NAA11: variants seen among roughly 807,000 people sequenced by gnomAD.
The protein encoded by NAA11 is N-alpha-acetyltransferase 11.
A neutral mutation model predicts 16.1 loss-of-function variants in NAA11; 15 were observed. The observed-to-expected ratio is 0.93, with a 90% CI of 0.62 to 1.44. NAA11 has a LOEUF of 1.44. NAA11 is among the 40% of genes most tolerant of loss of function. The pLI, the probability that NAA11 is intolerant of heterozygous loss-of-function variation, is 0.00. For missense variants in NAA11, 298 were observed against 291.3 expected (o/e 1.02, Z -0.17); for synonymous variants, 122 against 112.4 (o/e 1.09, Z -0.54).
intron 1 of NAA11, among the ~76,000 whole-genome samples, chr4:79,297,522 G>T (rs1319730395): frequency 2.0e-5 from 3 of 152,242 alleles, no homozygotes; most frequent in Non-Finnish European, 2.9e-5. Flanking sequence ...AGGCTGGGCA[G>T]TGTCTGCTCC....
intron 2 of NAA11, among the ~76,000 whole-genome samples, chr4:79,236,313 T>C (rs1188432877): frequency 6.6e-6 from 1 of 152,076 alleles, no homozygotes; most frequent in African/African-American, 2.4e-5. Flanking sequence ...TTTTTAAGTG[T>C]CAGAAAAATT....
the NAA11 span, among the ~76,000 whole-genome samples, chr4:79,172,340 T>TA: frequency 7.9e-5 from 12 of 152,116 alleles, no homozygotes; most frequent in Admixed American, 6.6e-4. Context: ...ATATATTTTT[T>TA]AAAAAAATTA....
intron 2 of NAA11, among the ~76,000 whole-genome samples, chr4:79,247,063 GAAGT>G (rs1237541170): frequency 2.0e-5 from 3 of 152,206 alleles, no homozygotes; most frequent in African/African-American, 7.2e-5. Flanking sequence ...TAGTGGTGCA[GAAGT>G]AAGACTTGAG....
rs770764114 is a variant in NAA11 at position 79,325,649 on chromosome 4, C to T, written c.229G>A (p.Val77Met). 1.2e-6 allele frequency: 2 copies of T among 1,614,094 alleles called. No homozygotes were observed. The highest frequency in any genetic ancestry group is 1.1e-5 in the South Asian group (1 of 91,080). ...VPHGHITSLA[V>M]KRSHRRLGLA... ...CCGAGGCGCCGGTGTGAACGCTTCA[C>T]GGCCAGTGAGGTGATATGGCCATGC... The change falls in exon 1 of 2, where the codon GTG (valine) becomes ATG (methionine). Residue 77 changes from valine (V) to methionine (M), a missense_variant. Physicochemically the swap from Val to Met is conservative, Grantham distance 21. Transcript: ENST00000286794.
At chr4:79,274,256 G>A (rs1033557646) in intron 2 of NAA11, among the ~76,000 whole-genome samples, 3 of 151,988 alleles carry the variant, frequency 2.0e-5, no homozygotes, top group East Asian at 1.9e-4. Flanking sequence ...CTACATCATC[G>A]GGATGGTGTT....
the NAA11 span, among the ~76,000 whole-genome samples, chr4:79,156,825 T>G: frequency 6.6e-6 from 1 of 152,216 alleles, no homozygotes; most frequent in African/African-American, 2.4e-5. Flanking sequence ...CAAATCTTCT[T>G]ATTTCTTAAT....
chr4:79,283,911 A>G (rs1722852109), intron 2 of NAA11, among the ~76,000 whole-genome samples: 2 of 152,140 alleles, frequency 1.3e-5, no homozygotes, highest in South Asian at 4.1e-4. Flanking sequence ...AATTGGAATT[A>G]TATTTTTTCC....
At chr4:79,189,689 C>T in the NAA11 span, among the ~76,000 whole-genome samples, 121 of 152,256 alleles carry the variant, frequency 7.9e-4, no homozygotes, top group Non-Finnish European at 1.3e-3. Context: ...TGTTGACTTC[C>T]TCCATTTCCT....
At chr4:79,310,460 T>TG (rs767982627) in intron 1 of NAA11, among the ~76,000 whole-genome samples, 36 of 152,322 alleles carry the variant, frequency 2.4e-4, no homozygotes, top group Admixed American at 1.1e-3. Context: ...TTAGAATTGC[T>TG]GAAGATATAG....
chr4:79,293,180 A>G (rs1383482739), intron 2 of NAA11, among the ~76,000 whole-genome samples: 4 of 152,208 alleles, frequency 2.6e-5, no homozygotes, highest in African/African-American at 7.2e-5. Flanking sequence ...TTACTAAAGT[A>G]GACCTCATTT....
intron 1 of NAA11, among the ~76,000 whole-genome samples, chr4:79,301,520 T>C (rs924579620): frequency 4.6e-5 from 7 of 152,236 alleles, no homozygotes; most frequent in Non-Finnish European, 8.8e-5. Flanking sequence ...TAAATTGTAA[T>C]GCAGATTAAC....
At chr4:79,182,145 G>A in the NAA11 span, among the ~76,000 whole-genome samples, 10 of 152,050 alleles carry the variant, frequency 6.6e-5, no homozygotes, top group Admixed American at 2.0e-4. Context: ...TAGACCTGTC[G>A]GTTTTTCCCT....
At chr4:79,304,906 A>G (rs1439797499) in intron 1 of NAA11, among the ~76,000 whole-genome samples, 1 of 152,164 alleles carries the variant, frequency 6.6e-6, no homozygotes, top group Non-Finnish European at 1.5e-5. Context: ...AAGGTGTCAT[A>G]CTGAGAGGCC....
At chr4:79,192,273 A>G in the NAA11 span, among the ~76,000 whole-genome samples, 1 of 151,744 alleles carries the variant, frequency 6.6e-6, no homozygotes, top group Non-Finnish European at 1.5e-5. Context: ...ACATGTGCAC[A>G]ATGTGCAGGT....
intron 2 of NAA11, among the ~76,000 whole-genome samples, chr4:79,255,080 T>C (rs929987219): frequency 2.0e-5 from 3 of 152,156 alleles, no homozygotes; most frequent in African/African-American, 7.2e-5. Context: ...TACTACATGC[T>C]GTATGGTTTC....
the NAA11 span, among the ~76,000 whole-genome samples, chr4:79,156,313 ATG>A: frequency 2.3e-5 from 2 of 86,024 alleles, no homozygotes; most frequent in Non-Finnish European, 5.1e-5. Flanking sequence ...ATGGGATGTG[ATG>A]TGTGTGTGTG....
the NAA11 span, among the ~76,000 whole-genome samples, chr4:79,161,072 C>T: frequency 6.6e-6 from 1 of 152,192 alleles, no homozygotes; most frequent in Non-Finnish European, 1.5e-5. Flanking sequence ...TTAGCTCTTA[C>T]ATTTATTCTG....
intron 2 of NAA11, among the ~76,000 whole-genome samples, chr4:79,254,427 A>G (rs546637962): frequency 3.7e-4 from 56 of 152,208 alleles, no homozygotes; most frequent in African/African-American, 5.1e-4. Flanking sequence ...AAAATGGTCT[A>G]AAGACCAAGG....
At position 79,256,644 on chromosome 4, in the gene NAA11, A is replaced by AT. The variant is rs1491135292; in HGVS notation, c.*123-30375_*123-30374insA. On this transcript the variant is annotated intron_variant and NMD_transcript_variant, in intron 2 of 2. Coordinates refer to the NAA11 transcript ENST00000511542. ...CAATTAAAATGAACCATATATATATAAATATAAATATATATATATATATAT... is the reference window on the plus strand; with the variant it reads ...CAATTAAAATGAACCATATATATATATAATATAAATATATATATATATATAT... 9.5e-4 allele frequency among the ~76,000 whole-genome samples: 77 copies of AT among 81,040 alleles called. 2 individuals are homozygous for AT. The highest frequency in any genetic ancestry group is 3.0e-3 in the African/African-American group (73 of 24,436). The allele number at this position is 81,040 out of a possible 152,430, so 53.2% of individuals were successfully genotyped here.
Sources: gnomAD v4.1 joint callset for allele counts (sites outside exome capture counted in the v4.1 genomes callset) on GRCh38, gnomAD v4.1.1 for gene constraint, MANE v1.5 for transcripts, NCBI Gene and HGNC (gene_info 2026-07-23, HGNC 2026-07-21) for gene names.